The following OLFM3 variants were observed in gnomAD, a reference collection of about 807,000 sequenced individuals.
The protein encoded by OLFM3 is noelin-3.
In OLFM3, 20 loss-of-function variants were observed where a neutral mutation model predicts 48.6. That is an observed-to-expected ratio of 0.41 (90% CI 0.29 to 0.60). The LOEUF is 0.60. Among genes scored for constraint, OLFM3 ranks in the 20% least tolerant of loss-of-function variants. OLFM3 has a pLI of 0.28. For synonymous variants in OLFM3, 222 were observed against 198.1 expected (o/e 1.12, Z -1.01); for missense variants, 437 against 544.3 (o/e 0.80, Z 1.96).
At chr1:101,963,069 GA>G (rs1660511658) in intron 1 of OLFM3, among the ~76,000 whole-genome samples, 2 of 152,192 alleles carry the variant, frequency 1.3e-5, no homozygotes, top group South Asian at 4.1e-4. Flanking sequence ...ACCATGTGCA[GA>G]ATGGAGCTCC....
intron 1 of OLFM3, among the ~76,000 whole-genome samples, chr1:101,866,598 T>C (rs1319662368): frequency 1.8e-4 from 27 of 152,166 alleles, no homozygotes; most frequent in East Asian, 1.9e-4. Context: ...TGAAAGAACA[T>C]AGAAAATTAA....
intron 1 of OLFM3, among the ~76,000 whole-genome samples, chr1:101,912,472 T>C (rs1288794509): frequency 6.6e-6 from 1 of 152,194 alleles, no homozygotes; most frequent in African/African-American, 2.4e-5. Flanking sequence ...GTATCTCTGT[T>C]TTTAAAATGA....
At chr1:101,880,925 C>T (rs889851225) in intron 1 of OLFM3, among the ~76,000 whole-genome samples, 7 of 151,818 alleles carry the variant, frequency 4.6e-5, no homozygotes, top group African/African-American at 1.2e-4. Context: ...AGGCGAGACC[C>T]TGTATGCATA....
chr1:101,954,347 A>G (rs897860035), intron 1 of OLFM3, among the ~76,000 whole-genome samples: 6 of 152,040 alleles, frequency 3.9e-5, no homozygotes, highest in African/African-American at 9.7e-5. Flanking sequence ...TCTTCTACCT[A>G]TAAGTTTTAT....
intron 1 of OLFM3, among the ~76,000 whole-genome samples, chr1:101,862,855 T>G (rs1453310791): frequency 6.6e-6 from 1 of 152,232 alleles, no homozygotes; most frequent in Non-Finnish European, 1.5e-5. Flanking sequence ...AGTAAAAGTT[T>G]AGAACATTAA....
intron 3 of OLFM3, among the ~76,000 whole-genome samples, chr1:101,830,268 T>C (rs1367945372): frequency 6.6e-6 from 1 of 152,232 alleles, no homozygotes; most frequent in Non-Finnish European, 1.5e-5. Context: ...AAAAATACTT[T>C]ATTTGGATAA....
At chr1:101,896,095 T>G (rs1658192009) in intron 1 of OLFM3, among the ~76,000 whole-genome samples, 1 of 152,030 alleles carries the variant, frequency 6.6e-6, no homozygotes, top group South Asian at 2.1e-4. Context: ...AGATTAGGAA[T>G]AAATTTATTA....
rs748141623 is a variant in OLFM3, at chr1:101,824,684, A to AC, written c.592+341_592+342insG. ...AACAACAACAACAACAACAACAACA[A>AC]AAAACAGTTTCTTTTTCCACTAGCC... On this transcript the variant is annotated intron_variant, in intron 4 of 5. Coordinates refer to ENST00000370103, the MANE Select transcript of OLFM3 (RefSeq NM_058170.4). 5.9e-4 allele frequency among the ~76,000 whole-genome samples: 88 copies of AC among 148,038 alleles called. 1 individual carries two copies. Among genetic ancestry groups the AC allele is most frequent in the Middle Eastern group, 6.9e-3 (2 of 288 alleles).
chr1:101,963,536 C>CTTACAGCA (rs1660525238), intron 1 of OLFM3, among the ~76,000 whole-genome samples: 1 of 83,672 alleles, frequency 1.2e-5, no homozygotes, highest in Non-Finnish European at 2.5e-5. Flanking sequence ...GACTTACAGC[C>CTTACAGCA]TGGCTTGACT....
chr1:101,970,957 G>A (rs538433235), intron 1 of OLFM3, among the ~76,000 whole-genome samples: 1 of 152,304 alleles, frequency 6.6e-6, no homozygotes, highest in African/African-American at 2.4e-5. Flanking sequence ...GCACGTAGCT[G>A]AGTGATGGCA....
At chr1:101,815,603 T>G (rs538312874) in intron 4 of OLFM3, among the ~76,000 whole-genome samples, 9 of 99,168 alleles carry the variant, frequency 9.1e-5, no homozygotes, top group Admixed American at 5.9e-4. Context: ...GAAAGGGAAT[T>G]TAAAAACTCA....
At chr1:101,985,129 T>A (rs1396831359) in intron 1 of OLFM3, among the ~76,000 whole-genome samples, 4 of 152,194 alleles carry the variant, frequency 2.6e-5, no homozygotes, top group South Asian at 2.1e-4. Context: ...TAAAAGTGCA[T>A]CTCCCCAATC....
chr1:101,842,869 C>T (rs1184857053), intron 1 of OLFM3, among the ~76,000 whole-genome samples: 1 of 152,174 alleles, frequency 6.6e-6, no homozygotes, highest in Non-Finnish European at 1.5e-5. Flanking sequence ...TGTGAGGATT[C>T]TTCTATAAGA....
chr1:101,980,294 G>A (rs936971051), intron 1 of OLFM3, among the ~76,000 whole-genome samples: 5 of 152,112 alleles, frequency 3.3e-5, no homozygotes, highest in African/African-American at 7.2e-5. Flanking sequence ...AGATTTGGGA[G>A]GGGCCGGGGT....
intron 4 of OLFM3, chr1:101,812,700 A>C: frequency 1.0e-6 from 1 of 986,922 alleles, no homozygotes; most frequent in Non-Finnish European, 1.2e-6. Context: ...GCTGAGTCTT[A>C]GGTTGTTTCG....
chr1:101,913,647 A>G lies in OLFM3; in HGVS notation c.70-76622T>C, dbSNP rs550995398. ...GATCATTTAGTAACTATTGCCATCC[A>G]GAGGCTGAGTTCAAACCTTAATCCT... On this transcript the variant is annotated intron_variant, in intron 1 of 5. Coordinates refer to ENST00000370103, the MANE Select transcript of OLFM3 (RefSeq NM_058170.4). 7.9e-5 allele frequency among the ~76,000 whole-genome samples: 12 copies of G among 151,564 alleles called. No homozygotes were observed. In the South Asian group the frequency reaches 2.5e-3, roughly 32 times the overall value.
intron 1 of OLFM3, among the ~76,000 whole-genome samples, chr1:101,840,050 G>T (rs145512184): frequency 0.013 from 2,013 of 152,110 alleles, 30 homozygotes; most frequent in Non-Finnish European, 0.022. Flanking sequence ...CTTTATGAGT[G>T]TTTCTAGTGT....
chr1:101,963,326 C>T (rs1388192259), intron 1 of OLFM3, among the ~76,000 whole-genome samples: 1 of 152,190 alleles, frequency 6.6e-6, no homozygotes, highest in Non-Finnish European at 1.5e-5. Flanking sequence ...TTTCCCTTGA[C>T]CTCTAAATTC....
At chr1:101,916,952 GA>G (rs1483150141) in intron 1 of OLFM3, among the ~76,000 whole-genome samples, 5 of 152,160 alleles carry the variant, frequency 3.3e-5, no homozygotes, top group Non-Finnish European at 4.4e-5. Flanking sequence ...TTAGTATGAG[GA>G]AAAATGCTGC....
Sources: allele counts gnomAD v4.1 joint callset (sites outside exome capture counted in the v4.1 genomes callset), GRCh38; gene constraint gnomAD v4.1.1; transcripts MANE v1.5; gene names NCBI Gene and HGNC (gene_info 2026-07-23, HGNC 2026-07-21).